FBRSL1: variants seen among roughly 807,000 people sequenced by gnomAD.
FBRSL1 encodes fibrosin like 1.
FBRSL1 carries 51 observed loss-of-function variants against 89.6 expected under a neutral mutation model. The ratio of observed to expected loss-of-function variants is 0.57; its 90% confidence interval spans 0.45 to 0.72. The LOEUF (loss-of-function observed/expected upper bound fraction) is 0.72. FBRSL1 is among the 30% of genes least tolerant of loss of function. The probability of loss-of-function intolerance (pLI) is 0.00; values close to 1 mark genes in which losing one functional copy is unlikely to be tolerated. For synonymous variants in FBRSL1, 779 were observed against 681.1 expected (o/e 1.14, Z -2.24); for missense variants, 1,618 against 1,451.8 (o/e 1.11, Z -1.86).
intron 11 of FBRSL1, among the ~76,000 whole-genome samples, chr12:132,573,100 C>G (rs1002357851): frequency 1.6e-4 from 24 of 152,322 alleles, no homozygotes; most frequent in African/African-American, 5.5e-4. Context: ...GCCATCTCAG[C>G]CAGGGGAGAG....
At chr12:132,510,379 C>T in intron 2 of FBRSL1, 3 of 1,231,886 alleles carry the variant, frequency 2.4e-6, no homozygotes, top group Non-Finnish European at 3.0e-6. Context: ...CCCCTGCGGT[C>T]CCGGTGGACC....
At chr12:132,536,882 G>A (rs1001535656) in intron 4 of FBRSL1, among the ~76,000 whole-genome samples, 1 of 152,244 alleles carries the variant, frequency 6.6e-6, no homozygotes, top group Admixed American at 6.5e-5. Flanking sequence ...AATGTATGTG[G>A]CTGTGCACAT....
chr12:132,570,795 G>A (rs554969128), intron 8 of FBRSL1, among the ~76,000 whole-genome samples: 1 of 152,332 alleles, frequency 6.6e-6, no homozygotes, highest in Non-Finnish European at 1.5e-5. Context: ...ACGGGCGCAC[G>A]GGCCTCCCCT....
chr12:132,536,253 C>T (rs1044558584), intron 4 of FBRSL1, among the ~76,000 whole-genome samples: 3 of 145,692 alleles, frequency 2.1e-5, no homozygotes, highest in African/African-American at 7.8e-5. Flanking sequence ...TGTACATGAC[C>T]TCGTGCCATG....
intron 5 of FBRSL1, among the ~76,000 whole-genome samples, chr12:132,555,561 G>A (rs1308795366): frequency 5.3e-5 from 8 of 152,128 alleles, no homozygotes; most frequent in South Asian, 2.1e-4. Context: ...CGCCTCACCC[G>A]AGCGTGAGCG....
chr12:132,542,435 C>T (rs566657103), intron 4 of FBRSL1, among the ~76,000 whole-genome samples: 4 of 152,310 alleles, frequency 2.6e-5, no homozygotes, highest in South Asian at 4.1e-4. Context: ...TGCAGGCGCC[C>T]GTGTTGTTGG....
At chr12:132,517,553 A>C (rs1162791318) in intron 2 of FBRSL1, among the ~76,000 whole-genome samples, 2 of 152,238 alleles carry the variant, frequency 1.3e-5, no homozygotes, top group Non-Finnish European at 1.5e-5. Flanking sequence ...CTGGGACAAC[A>C]GCAGAGCGGG....
chr12:132,561,433 G>C (rs920013166), intron 5 of FBRSL1, among the ~76,000 whole-genome samples: 1 of 133,774 alleles, frequency 7.5e-6, no homozygotes, highest in South Asian at 2.4e-4. Context: ...CCAGTGAAGG[G>C]GAGGGCAGCA....
chr12:132,509,155 C>T (rs2034039568), intron 2 of FBRSL1: 1 of 1,241,154 alleles, frequency 8.1e-7, no homozygotes. Flanking sequence ...CGTGCTCTTT[C>T]TTCCATGCAG....
At chr12:132,505,485 T>C (rs1243347698) in intron 1 of FBRSL1, among the ~76,000 whole-genome samples, 1 of 152,168 alleles carries the variant, frequency 6.6e-6, no homozygotes, top group Non-Finnish European at 1.5e-5. Context: ...ACCCGTGGTC[T>C]GCCCCAAGGG....
At chr12:132,527,720 T>TGGGCTGCGGGGCTGGGGGGCAGGGTTGA (rs1566146027) in intron 3 of FBRSL1, among the ~76,000 whole-genome samples, 1 of 119,534 alleles carries the variant, frequency 8.4e-6, no homozygotes, top group Non-Finnish European at 1.8e-5. Flanking sequence ...GGCAGGGTTG[T>TGGGCTGCGGGGCTGGGGGGCAGGGTTGA]GGGCTGCGGG....
intron 2 of FBRSL1, among the ~76,000 whole-genome samples, chr12:132,512,214 A>AC (rs1261782545): frequency 2.0e-5 from 3 of 151,990 alleles, no homozygotes; most frequent in Non-Finnish European, 4.4e-5. Flanking sequence ...AGGGGTCGAG[A>AC]CCCCCCTCTC....
chr12:132,530,713 TG>T (rs1363928140), intron 4 of FBRSL1, among the ~76,000 whole-genome samples: 11 of 19,470 alleles, frequency 5.6e-4, no homozygotes, highest in South Asian at 3.2e-3. Flanking sequence ...GATGGCGGGG[TG>T]GGGGGTGGGG....
intron 5 of FBRSL1, among the ~76,000 whole-genome samples, chr12:132,556,152 C>T (rs1418910073): frequency 1.3e-5 from 2 of 152,284 alleles, no homozygotes; most frequent in East Asian, 3.9e-4. Context: ...CTGAACATCC[C>T]TATAGGTGGT....
chr12:132,582,338 C>T, intron 18 of FBRSL1, 72 bp downstream of exon 18: 6 of 1,329,084 alleles, frequency 4.5e-6, no homozygotes, highest in African/African-American at 1.5e-5. Context: ...CCGTCATCCC[C>T]GGTTCCCCCT....
At chr12:132,580,883 A>G (rs4883546) in intron 15 of FBRSL1, 154,174 of 985,044 alleles carry the variant, frequency 0.16, 12,378 homozygotes, top group African/African-American at 0.23. Context: ...GCCCGGGCCC[A>G]GGCCCCACAC....
chr12:132,522,368 G>A (rs1321881918), intron 2 of FBRSL1, among the ~76,000 whole-genome samples: 1 of 152,110 alleles, frequency 6.6e-6, no homozygotes, highest in Non-Finnish European at 1.5e-5. Flanking sequence ...GGAGGGAGGG[G>A]GTTGGTGAGG....
chr12:132,537,661 C>A (rs1184216970), intron 4 of FBRSL1, among the ~76,000 whole-genome samples: 1 of 152,140 alleles, frequency 6.6e-6, no homozygotes, highest in African/African-American at 2.4e-5. Context: ...GGACTGGCCC[C>A]CAGCACCTAG....
rs1566179010 is a variant in FBRSL1, at chr12:132,546,980, C to A, written c.616-1023C>A. Among the ~76,000 whole-genome samples the A allele has an allele frequency of 1.3e-5, 2 of 152,258 alleles. No homozygotes were observed. The highest frequency in any genetic ancestry group is 4.8e-5 in the African/African-American group (2 of 41,470). ...AGGAGGGCGCCGCCCACACATCCGG[C>A]TGGCACTCACCACCCTCCGTGCACT... On this transcript the variant is annotated intron_variant, in intron 4 of 18. Transcript: ENST00000680143. The surrounding 1 kb of genome is among the most constrained non-coding windows in gnomAD (Gnocchi z 4.0).
Sources: allele counts gnomAD v4.1 joint callset (sites outside exome capture counted in the v4.1 genomes callset), GRCh38; gene constraint gnomAD v4.1.1; non-coding constraint Gnocchi (gnomAD v3.1); transcripts MANE v1.5; gene names NCBI Gene and HGNC (gene_info 2026-07-23, HGNC 2026-07-21).